Variants in RFX4 observed in about 807,000 individuals in gnomAD.
RFX4 encodes the protein regulatory factor X4, also known as transcription factor RFX4.
In RFX4, 10 loss-of-function variants were observed where a neutral mutation model predicts 95.0. That is an observed-to-expected ratio of 0.11 (90% CI 0.06 to 0.18). The LOEUF (loss-of-function observed/expected upper bound fraction) is 0.18. Ranked by LOEUF, RFX4 falls within the 10% of genes least tolerant of loss-of-function variation. The probability of loss-of-function intolerance (pLI) is 1.00; values close to 1 mark genes in which losing one functional copy is unlikely to be tolerated. For synonymous variants in RFX4, 321 were observed against 340.7 expected, an observed-to-expected ratio of 0.94 and a Z score of 0.64; for missense variants, 640 against 922.0, an observed-to-expected ratio of 0.69 and a Z score of 3.96.
At chr12:106,730,736 C>A (rs183004371) in intron 13 of RFX4, among the ~76,000 whole-genome samples, 2 of 152,298 alleles carry the variant, frequency 1.3e-5, no homozygotes, top group African/African-American at 4.8e-5. Context: ...CGTGGTGGCT[C>A]ATGCCTGTAA....
intron 1 of RFX4, among the ~76,000 whole-genome samples, chr12:106,584,480 G>GC (rs1394232886): frequency 2.0e-4 from 30 of 152,192 alleles, no homozygotes; most frequent in Admixed American, 2.0e-3. Flanking sequence ...AGCATAAGCT[G>GC]CTGAGCATTG....
At chr12:106,644,621 C>A (rs528455244) in intron 3 of RFX4, among the ~76,000 whole-genome samples, 44 of 152,170 alleles carry the variant, frequency 2.9e-4, no homozygotes, top group Admixed American at 5.9e-4. Context: ...TTCGTGTGTG[C>A]CCCCTTGGAC....
At chr12:106,621,856 G>T (rs1181732479) in intron 2 of RFX4, among the ~76,000 whole-genome samples, 1 of 152,172 alleles carries the variant, frequency 6.6e-6, no homozygotes, top group Non-Finnish European at 1.5e-5. Flanking sequence ...CGCCAAGGTG[G>T]CTGTAGAGCT....
At chr12:106,741,810 G>T (rs1387562457) in intron 15 of RFX4, among the ~76,000 whole-genome samples, 1 of 152,160 alleles carries the variant, frequency 6.6e-6, no homozygotes, top group Non-Finnish European at 1.5e-5. Context: ...AAGAGGTGGG[G>T]GGGATGGTTT....
At chr12:106,719,651 T>G (rs936485196) in intron 11 of RFX4, among the ~76,000 whole-genome samples, 1 of 151,514 alleles carries the variant, frequency 6.6e-6, no homozygotes, top group Admixed American at 6.6e-5. Flanking sequence ...AGCTGGGACA[T>G]GAGGAACCAA....
At chr12:106,722,496 T>C (rs1270393876) in intron 13 of RFX4, among the ~76,000 whole-genome samples, 1 of 152,222 alleles carries the variant, frequency 6.6e-6, no homozygotes, top group Non-Finnish European at 1.5e-5. Flanking sequence ...GATTAGGCTT[T>C]ATGAATGGGT....
At chr12:106,736,043 G>A (rs1193151729) in intron 15 of RFX4, among the ~76,000 whole-genome samples, 1 of 152,090 alleles carries the variant, frequency 6.6e-6, no homozygotes, top group Non-Finnish European at 1.5e-5. Context: ...TGTTACCCAG[G>A]CAACAAATAC....
chr12:106,600,849 A>C (rs757691022), intron 1 of RFX4, among the ~76,000 whole-genome samples: 1 of 151,882 alleles, frequency 6.6e-6, no homozygotes, highest in Non-Finnish European at 1.5e-5. Flanking sequence ...CAGTGTCCCC[A>C]CTGCCCAAAA....
intron 15 of RFX4, among the ~76,000 whole-genome samples, chr12:106,743,655 G>GGGATA (rs1470809522): frequency 6.6e-6 from 1 of 152,158 alleles, no homozygotes; most frequent in East Asian, 1.9e-4. Context: ...CCCTCTGTTG[G>GGGATA]GGATACAGAG....
intron 3 of RFX4, among the ~76,000 whole-genome samples, chr12:106,648,443 G>A (rs537357660): frequency 7.9e-5 from 12 of 152,096 alleles, no homozygotes; most frequent in Non-Finnish European, 1.5e-4. Context: ...ACAGGGAGCC[G>A]TTGACGGGTG....
At chr12:106,603,528 A>G (rs2039756779) in intron 1 of RFX4, among the ~76,000 whole-genome samples, 1 of 152,230 alleles carries the variant, frequency 6.6e-6, no homozygotes, top group Non-Finnish European at 1.5e-5. Context: ...CAGATGAATC[A>G]GGGGAAGGGA....
At chr12:106,662,725 T>C (rs146598682) in intron 4 of RFX4, among the ~76,000 whole-genome samples, 167 of 152,278 alleles carry the variant, frequency 1.1e-3, no homozygotes, top group Non-Finnish European at 1.1e-3. Context: ...CCATTTTGAG[T>C]TAATTTTTGT....
intron 3 of RFX4, among the ~76,000 whole-genome samples, chr12:106,653,529 C>T (rs2040895906): frequency 6.6e-6 from 1 of 152,176 alleles, no homozygotes; most frequent in Admixed American, 6.5e-5. Context: ...CAGCAAGTGA[C>T]AAGGCTGGGA....
At chr12:106,595,379 G>A (rs1013139662) in intron 1 of RFX4, among the ~76,000 whole-genome samples, 6 of 152,278 alleles carry the variant, frequency 3.9e-5, no homozygotes, top group African/African-American at 1.4e-4. Flanking sequence ...CATCCTGGTG[G>A]GAGACAGCAG....
chr12:106,606,976 G>T (rs372898115), intron 1 of RFX4, among the ~76,000 whole-genome samples: 1 of 152,104 alleles, frequency 6.6e-6, no homozygotes, highest in Non-Finnish European at 1.5e-5. Flanking sequence ...CTAAATCCCA[G>T]TTGCTTTCTA....
intron 7 of RFX4, among the ~76,000 whole-genome samples, chr12:106,692,074 T>C (rs1466360164): frequency 2.0e-5 from 3 of 151,830 alleles, no homozygotes; most frequent in Non-Finnish European, 4.4e-5. Flanking sequence ...GGAGAATCGC[T>C]TGAACCCAGG....
chr12:106,657,979 A>G (rs768726467), intron 4 of RFX4, among the ~76,000 whole-genome samples: 2 of 152,126 alleles, frequency 1.3e-5, no homozygotes, highest in Non-Finnish European at 2.9e-5. Flanking sequence ...TACACCTACC[A>G]TGTGAGTATA....
intron 1 of RFX4, among the ~76,000 whole-genome samples, chr12:106,596,038 G>A (rs1043135523): frequency 6.6e-6 from 1 of 152,216 alleles, no homozygotes; most frequent in African/African-American, 2.4e-5. Context: ...CTTGCAAGGA[G>A]AACCTTGTGG....
At chr12:106,592,427 G>A (rs1248741000) in intron 1 of RFX4, among the ~76,000 whole-genome samples, 1 of 152,156 alleles carries the variant, frequency 6.6e-6, no homozygotes, top group Admixed American at 6.5e-5. Flanking sequence ...TAAAGGAAGT[G>A]GAAAATGTGT....
Sources: allele counts gnomAD v4.1 joint callset (sites outside exome capture counted in the v4.1 genomes callset), GRCh38; gene constraint gnomAD v4.1.1; transcripts MANE v1.5; gene names NCBI Gene and HGNC (gene_info 2026-07-23, HGNC 2026-07-21).